PSG1: variants seen among roughly 807,000 people sequenced by gnomAD.
PSG1 encodes the protein pregnancy-specific beta-1-glycoprotein 1.
PSG1 carries 60 observed loss-of-function variants against 41.4 expected under a neutral mutation model. That is an observed-to-expected ratio of 1.45 (90% CI 1.18 to 1.80). The LOEUF is 1.80. Among genes scored for constraint, PSG1 ranks in the 40% most tolerant of loss-of-function variants. The probability of loss-of-function intolerance (pLI) is 0.00; values close to 1 mark genes in which losing one functional copy is unlikely to be tolerated. For synonymous variants in PSG1, 256 were observed against 192.9 expected (o/e 1.33, Z -2.71); for missense variants, 806 against 516.9 (o/e 1.56, Z -5.42).
In PSG1 at chr19:42,879,641, T is replaced by G. The variant is rs984534491; in HGVS notation, c.-60A>C. 7.5e-6 allele frequency: 12 copies of G among 1,594,642 alleles called. 1 individual carries two copies. The African/African-American group carries it at 1.6e-4, about 22-fold the overall frequency. On this transcript the variant is annotated 5_prime_UTR_variant, in exon 1 of 6. Coordinates refer to ENST00000436291, the MANE Select transcript of PSG1 (RefSeq NM_001184825.2). ...ATAAGCCTAGGATCCAGAAACTCTC[T>G]GAGCACGGCTGTCAGCTGTGCTGTC...
chr19:42,868,902 G>C lies in PSG1; in HGVS notation c.842C>G (p.Pro281Arg). The change falls in exon 4 of 6, where the codon CCG (proline) becomes CGG (arginine). Residue 281 changes from proline to arginine, a missense_variant. Coordinates refer to ENST00000436291, the MANE Select transcript of PSG1 (RefSeq NM_001184825.2). ...YIWWLNGQSL[P>R]VSPRVKRPIE... ...GGGTCGCTTTACCCTGGGACTGACC[G>C]GGAGGCTCTGACCATTTAGCCACCA... 6.2e-7 allele frequency: 1 copy of C among 1,610,518 alleles called. No homozygotes were observed. Among genetic ancestry groups the C allele is most frequent in the Non-Finnish European group, 8.5e-7 (1 of 1,179,042 alleles).
intron 2 of PSG1, among the ~76,000 whole-genome samples, chr19:42,876,155 G>A (rs2122548909): frequency 6.6e-6 from 1 of 151,546 alleles, no homozygotes; most frequent in African/African-American, 2.4e-5. Context: ...AGAGGTGGAG[G>A]AAGAAGCTGT....
rs149260987 is a variant in PSG1 at position 42,871,863 on chromosome 19, A to G, written c.613T>C (p.Leu205=). ...CCTGCAGTATACTTTGTGACACCCA[A>G]TAGAAAGAGGGTCCTGTTGGTTTCG... ...LSETNRTLFL[L]GVTKYTAGPY... The change falls in exon 3 of 6, where the codon TTG becomes CTG. Residue 205 remains leucine (L), a synonymous_variant. Transcript: ENST00000436291. The G allele has an allele frequency of 1.5e-4, 249 of 1,612,558 alleles. 8 individuals carry two copies. Among genetic ancestry groups the G allele is most frequent in the African/African-American group, 4.9e-4 (37 of 74,800 alleles).
At position 42,869,064 on chromosome 19, in the gene PSG1, T is replaced by A. The variant is rs773749616; in HGVS notation, c.710-30A>T. ...GTGGATAACAGAGAGAAGATTGTCC[T>A]GTGTGGCACCTTTGATTCCTCCACA... On this transcript the variant is annotated intron_variant, in intron 3 of 5. Coordinates refer to ENST00000436291, the MANE Select transcript of PSG1 (RefSeq NM_001184825.2). 5 of 1,596,878 alleles carry A rather than the reference T, an allele frequency of 3.1e-6. No individual in the cohort carries two copies. The African/African-American group carries it at 6.7e-5, about 22-fold the overall frequency.
intron 3 of PSG1, among the ~76,000 whole-genome samples, chr19:42,871,476 C>T (rs1348808223): frequency 2.0e-5 from 3 of 151,710 alleles, no homozygotes; most frequent in Non-Finnish European, 2.9e-5. Flanking sequence ...ACATTGAAGT[C>T]CCAGCCAAAT....
chr19:42,868,366 G>T lies in PSG1; in HGVS notation c.989-11C>A. 1.9e-6 allele frequency: 3 copies of T among 1,602,134 alleles called. No individual in the cohort carries two copies. Among genetic ancestry groups the T allele is most frequent in the Non-Finnish European group, 2.6e-6 (3 of 1,172,528 alleles). On this transcript the variant is annotated splice_polypyrimidine_tract_variant and intron_variant, in intron 4 of 5. Transcript: ENST00000436291. Reference sequence around the variant, plus strand: ...GGAGGTCTGGACCATCTGGAGCAAAGAGAATAAAGCCACAGGTGATGTCAT... The same window carrying T: ...GGAGGTCTGGACCATCTGGAGCAAATAGAATAAAGCCACAGGTGATGTCAT...
At chr19:42,874,786 C>T (rs1280791582) in intron 2 of PSG1, among the ~76,000 whole-genome samples, 1 of 151,380 alleles carries the variant, frequency 6.6e-6, no homozygotes, top group African/African-American at 2.4e-5. Context: ...AATGTGAGCT[C>T]CATAGCAGGT....
chr19:42,875,553 A>C (rs927148853), intron 2 of PSG1, among the ~76,000 whole-genome samples: 6 of 151,570 alleles, frequency 4.0e-5, no homozygotes, highest in Admixed American at 2.0e-4. Context: ...TGGCTCAGCC[A>C]GTCATGTGGT....
intron 1 of PSG1, 71 bp downstream of exon 1, chr19:42,879,447 C>T (rs1022067354): frequency 1.7e-5 from 27 of 1,584,158 alleles, no homozygotes; most frequent in Non-Finnish European, 2.2e-5. Context: ...AGAACCCCAT[C>T]CTCTCCAGGA....
Position 42,877,910 on chromosome 19 carries a change from T to G in PSG1, c.430+3A>C. 6.2e-7 allele frequency: 1 copy of G among 1,612,060 alleles called. No individual in the cohort carries two copies. Among genetic ancestry groups the G allele is most frequent in the Non-Finnish European group, 8.5e-7 (1 of 1,178,914 alleles). On this transcript the variant is annotated splice_donor_region_variant and intron_variant, in intron 2 of 5. Transcript: ENST00000436291. The stretch of plus-strand genomic sequence containing the variant: ...CACCCAGGGATCATGTGGAATCACT[T>G]ACGGTGTAAGGTGAAGGTGAAACGT...
In PSG1 at chr19:42,868,304, C is replaced by T; in HGVS notation, c.1040G>A (p.Gly347Glu). ...AGAACAGGACAAGTAGAGGACTTCTCCTGAACGGTAATAGGTGAATGAAGG... is the reference window on the plus strand; with the variant it reads ...AGAACAGGACAAGTAGAGGACTTCTTCTGAACGGTAATAGGTGAATGAAGG... ...IYPSFTYYRS[G>E]EVLYLSCSAD... The change falls in exon 5 of 6, where the codon GGA (glycine) becomes GAA (glutamate). Residue 347 changes from glycine (G) to glutamate (E), a missense_variant. Coordinates refer to ENST00000436291, the MANE Select transcript of PSG1 (RefSeq NM_001184825.2). 4 of 1,612,098 alleles carry T rather than the reference C, an allele frequency of 2.5e-6. No individual in the cohort carries two copies. Among genetic ancestry groups the T allele is most frequent in the Non-Finnish European group, 3.4e-6 (4 of 1,178,998 alleles).
In PSG1 at chr19:42,879,548, G is replaced by A. The variant is rs143342076; in HGVS notation, c.34C>T (p.Arg12Cys). ...GTLSAPPCTQ[R>C]IKWKGLLLTA... ...AGCAGGAGCCCCTTCCATTTGATGC[G>A]CTGTGTGCAGGGAGGGGCTGAGAGG... The change falls in exon 1 of 6, where the codon CGC (arginine) becomes TGC (cysteine). Residue 12 changes from arginine (R) to cysteine (C), a missense_variant. Arg to Cys is a radical substitution (Grantham distance 180). Coordinates refer to ENST00000436291, the MANE Select transcript of PSG1 (RefSeq NM_001184825.2). 20 of 1,610,514 alleles carry A rather than the reference G, an allele frequency of 1.2e-5. No individual in the cohort carries two copies. The highest frequency in any genetic ancestry group is 2.2e-5 in the East Asian group (1 of 44,660).
intron 2 of PSG1, among the ~76,000 whole-genome samples, chr19:42,876,409 A>G (rs1474315895): frequency 1.3e-5 from 2 of 151,188 alleles, no homozygotes; most frequent in Admixed American, 1.3e-4. Context: ...TAGTGGGGGG[A>G]TGAAACATGG....
In PSG1 at chr19:42,868,251, A is replaced by T; in HGVS notation, c.1093T>A (p.Ser365Thr). 1 of 1,612,326 alleles carries T rather than the reference A, an allele frequency of 6.2e-7. No individual in the cohort carries two copies. The highest frequency in any genetic ancestry group is 8.5e-7 in the Non-Finnish European group (1 of 1,179,164). ...TGAAACTTTTCATTAATTGTCCAAG[A>T]ATACTGTGCCGGTGGGTTAGAGTCC... ...SADSNPPAQYSWTINEKFQLP... is the reference protein window; with the variant it reads ...SADSNPPAQYTWTINEKFQLP... The change falls in exon 5 of 6, where the codon TCT (serine) becomes ACT (threonine). Residue 365 changes from serine (S) to threonine (T), a missense_variant. Physicochemically the swap from Ser to Thr is moderately conservative, Grantham distance 58. Coordinates refer to ENST00000436291, the MANE Select transcript of PSG1 (RefSeq NM_001184825.2).
intron 2 of PSG1, among the ~76,000 whole-genome samples, chr19:42,872,777 T>A (rs1971448948): frequency 6.6e-6 from 1 of 151,806 alleles, no homozygotes; most frequent in Non-Finnish European, 1.5e-5. Context: ...TCTGGGTCCA[T>A]GATGCTCCCT....
chr19:42,875,217 AG>A (rs1971553651), intron 2 of PSG1, among the ~76,000 whole-genome samples: 1 of 151,766 alleles, frequency 6.6e-6, no homozygotes. Context: ...GGAGGAATTT[AG>A]TTTATGGTTT....
Position 42,878,239 on chromosome 19 carries a change from TG to T in PSG1, c.103del (p.Gln35LysfsTer38). On this transcript the variant is annotated frameshift_variant, in exon 2 of 6. Coordinates refer to ENST00000436291, the MANE Select transcript of PSG1 (RefSeq NM_001184825.2). LOFTEE classifies it high-confidence loss of function. The part of the protein sequence containing the change: ...LNFWNLPTTA[Q>X]VTIEAEPTKV... Reference sequence around the variant, plus strand: ...GGTTGGCTCGGCTTCAATCGTGACTTGGGCAGTGGTGGGCAGGTTCCAGAAG... The same window carrying T: ...GGTTGGCTCGGCTTCAATCGTGACTTGGCAGTGGTGGGCAGGTTCCAGAAG... 1 of 1,609,898 alleles carries T rather than the reference TG, an allele frequency of 6.2e-7. No homozygotes were observed. Among genetic ancestry groups the T allele is most frequent in the South Asian group, 1.1e-5 (1 of 90,188 alleles).
intron 5 of PSG1, 88 bp downstream of exon 5, chr19:42,868,013 G>A (rs1171105952): frequency 1.9e-6 from 3 of 1,609,922 alleles, no homozygotes; most frequent in South Asian, 2.2e-5. Flanking sequence ...ACACAGGCTG[G>A]GAATACAATT....
At chr19:42,878,300 A>C (rs1284007193) in intron 1 of PSG1, 22 bp from the exon 2 acceptor site, 1 of 1,592,358 alleles carries the variant, frequency 6.3e-7, no homozygotes, top group African/African-American at 1.4e-5. Context: ...AGAGAACATC[A>C]GTCAATATTG....
Sources: gnomAD v4.1 joint callset for allele counts (sites outside exome capture counted in the v4.1 genomes callset) on GRCh38, gnomAD v4.1.1 for gene constraint, MANE v1.5 for transcripts, NCBI Gene and HGNC (gene_info 2026-07-23, HGNC 2026-07-21) for gene names.